Variants in UCHL5 observed in about 807,000 individuals in gnomAD.
UCHL5 encodes the protein ubiquitin carboxyl-terminal hydrolase isozyme L5.
Under a neutral mutation model 53.8 loss-of-function variants are expected in UCHL5, and 34 were observed. The ratio of observed to expected loss-of-function variants is 0.63; its 90% CI spans 0.48 to 0.84. UCHL5 has a LOEUF of 0.84. Ranked by LOEUF, UCHL5 falls within the 40% of genes least tolerant of loss-of-function variation. The pLI is 0.00. For missense variants in UCHL5, 290 were observed against 385.6 expected (o/e 0.75, Z 2.08); for synonymous variants, 111 against 126.3 (o/e 0.88, Z 0.81).
At chr1:193,028,188 A>G in intron 6 of UCHL5, 40 bp from the exon 7 acceptor site, 1 of 1,506,716 alleles carries the variant, frequency 6.6e-7, no homozygotes, top group Non-Finnish European at 8.9e-7. Flanking sequence ...AAATAAAAAT[A>G]AGAACAATCA....
chr1:193,014,442 C>CT lies in UCHL5; in HGVS notation c.*1908dup, dbSNP rs1654598440. 4.6e-5 allele frequency: 7 copies of CT among 152,092 alleles called. No homozygotes were observed. The South Asian group carries it at 1.4e-3, about 31-fold the overall frequency. The allele number at this position is 152,092 out of a possible 1,614,324, so 9.4% of individuals were successfully genotyped here. ...TCATTTGATATTACTTTTGTTAACA[C>CT]TTTCAATGACAATTCTGATGAGCTC... On this transcript the variant is annotated 3_prime_UTR_variant, in exon 11 of 11. Coordinates refer to ENST00000367454, the MANE Select transcript of UCHL5 (RefSeq NM_001199261.3).
chr1:193,059,293 T>C lies in UCHL5; in HGVS notation c.-33A>G, dbSNP rs571763646. 2.5e-5 allele frequency: 41 copies of C among 1,612,306 alleles called. No homozygotes were observed. In the Admixed American group the frequency reaches 6.7e-4, roughly 26 times the overall value. On this transcript the variant is annotated 5_prime_UTR_variant, in exon 1 of 11. Transcript: ENST00000367454. This position sits in a 1 kb window ranked among gnomAD's most constrained non-coding sequence, Gnocchi z 4.9. The stretch of plus-strand genomic sequence containing the variant: ...GCCACACACCGCCCCGATCCACCTC[T>C]CGCTCTCAGCTGCCCCCCGCACCAG...
At chr1:193,042,054 T>G (rs1466319470) in intron 3 of UCHL5, among the ~76,000 whole-genome samples, 6 of 151,582 alleles carry the variant, frequency 4.0e-5, no homozygotes, top group Non-Finnish European at 7.4e-5. Flanking sequence ...TACAATGAGC[T>G]GTGATCATGC....
At chr1:193,020,901 G>A (rs796752872) in intron 10 of UCHL5, among the ~76,000 whole-genome samples, 196 bp downstream of exon 10, 13 of 145,740 alleles carry the variant, frequency 8.9e-5, no homozygotes, top group African/African-American at 3.2e-4. Context: ...AAAGCAGTGG[G>A]GTAATTCTTT....
intron 3 of UCHL5, among the ~76,000 whole-genome samples, chr1:193,039,662 G>A (rs375581305): frequency 3.6e-4 from 54 of 152,098 alleles, no homozygotes; most frequent in African/African-American, 1.2e-3. Context: ...AAATTTATAC[G>A]GAACACAAAA....
chr1:193,059,089 A>G lies in UCHL5; in HGVS notation c.76+96T>C. On this transcript the variant is annotated intron_variant, in intron 1 of 10. Coordinates refer to ENST00000367454, the MANE Select transcript of UCHL5 (RefSeq NM_001199261.3). The surrounding 1 kb of genome is among the most constrained non-coding windows in gnomAD (Gnocchi z 4.9). The stretch of plus-strand genomic sequence containing the variant: ...TCCAGGTTCCTGAAGTCACCTCTCC[A>G]GACGCGGGGCGGCGGTGGCCGCAGG... The G allele has an allele frequency of 2.3e-6, 3 of 1,329,028 alleles. No homozygotes were observed. The highest frequency in any genetic ancestry group is 3.0e-6 in the Non-Finnish European group (3 of 991,554). The allele number at this position is 1,329,028 out of a possible 1,614,324, so 82.3% of individuals were successfully genotyped here.
chr1:193,024,678 TGA>T (rs1320009941), intron 7 of UCHL5, among the ~76,000 whole-genome samples: 1 of 151,220 alleles, frequency 6.6e-6, no homozygotes, highest in Non-Finnish European at 1.5e-5. Flanking sequence ...CTGATATCAA[TGA>T]AGCATCTCAT....
rs1654768941 is a variant in UCHL5 at position 193,015,552 on chromosome 1, A to T, written c.*799T>A. ...CATCACCACTACCATCTTTTTAAAA[A>T]AGCAGATAACATGAACTGTCAGACC... is the stretch of plus-strand genomic sequence containing the variant. On this transcript the variant is annotated 3_prime_UTR_variant, in exon 11 of 11. Coordinates refer to ENST00000367454, the MANE Select transcript of UCHL5 (RefSeq NM_001199261.3). 6.6e-6 allele frequency: 1 copy of T among 152,056 alleles called. No homozygotes were observed. Among genetic ancestry groups the T allele is most frequent in the Non-Finnish European group, 1.5e-5 (1 of 67,940 alleles). The allele number at this position is 152,056 out of a possible 1,614,324, so 9.4% of individuals were successfully genotyped here. A position where few individuals can be genotyped will look rare whatever the true frequency, so the allele number is the denominator to read the frequency against.
At chr1:193,023,165 G>A (rs1054717819) in intron 8 of UCHL5, 129 bp from the exon 9 acceptor site, 12 of 639,454 alleles carry the variant, frequency 1.9e-5, no homozygotes, top group Middle Eastern at 3.8e-4. Flanking sequence ...CAGCATGCCC[G>A]CCTAACAGCA....
intron 8 of UCHL5, 91 bp from the exon 9 acceptor site, chr1:193,023,127 T>C: frequency 2.0e-6 from 2 of 1,015,312 alleles, no homozygotes; most frequent in South Asian, 3.1e-5. Context: ...TATGATTATT[T>C]TCAAATTTTT....
chr1:193,029,358 C>T (rs1211271308), intron 5 of UCHL5, 30 bp downstream of exon 5: 2 of 1,613,192 alleles, frequency 1.2e-6, no homozygotes, highest in Non-Finnish European at 1.7e-6. Context: ...AAGAAAGAAA[C>T]AGTATTTATT....
intron 3 of UCHL5, among the ~76,000 whole-genome samples, chr1:193,035,151 CA>C (rs1662902984): frequency 6.6e-6 from 1 of 151,370 alleles, no homozygotes; most frequent in African/African-American, 2.4e-5. Context: ...GAAAAAAAAA[CA>C]AATTATTAGT....
intron 1 of UCHL5, among the ~76,000 whole-genome samples, chr1:193,054,576 G>A (rs1670053019): frequency 6.6e-6 from 1 of 152,040 alleles, no homozygotes; most frequent in African/African-American, 2.4e-5. Flanking sequence ...ACTAAAATGG[G>A]AGCCCTAAAT....
At position 193,022,915 on chromosome 1, in the gene UCHL5, TA is replaced by T; in HGVS notation, c.843+10del. 1 of 1,584,304 alleles carries T rather than the reference TA, an allele frequency of 6.3e-7. No individual in the cohort carries two copies. The highest frequency in any genetic ancestry group is 8.7e-7 in the Non-Finnish European group (1 of 1,154,530). On this transcript the variant is annotated intron_variant, in intron 9 of 10. Transcript: ENST00000367454. ...TTAAAACATTAAAGGAACACATTTT[TA>T]AAAACATACCTTGTATCTTTTTAAT...
At chr1:193,019,902 A>G (rs1447020455) in intron 10 of UCHL5, 2 of 968,732 alleles carry the variant, frequency 2.1e-6, no homozygotes, top group East Asian at 1.1e-4. Flanking sequence ...CTGATGTATC[A>G]CATATTTAGC....
intron 9 of UCHL5, among the ~76,000 whole-genome samples, chr1:193,022,592 G>A (rs963990740): frequency 1.3e-5 from 2 of 149,790 alleles, no homozygotes; most frequent in Non-Finnish European, 3.0e-5. Context: ...CTTGAACCTG[G>A]AAGGTGGAGG....
chr1:193,018,568 C>A, intron 10 of UCHL5: 9 of 1,194,206 alleles, frequency 7.5e-6, no homozygotes, highest in Non-Finnish European at 9.4e-6. Flanking sequence ...ATAACAAAAA[C>A]ATTTATAGGT....
chr1:193,022,950 T>C lies in UCHL5; in HGVS notation c.819A>G (p.Glu273=). The change falls in exon 9 of 11, where the codon GAA becomes GAG. Residue 273 remains glutamate (E), a synonymous_variant. Transcript: ENST00000367454. ...CCTTGTATCTTTTTAATTTCTGTAC[T>C]TCTTCTTCAATAAGCATCTGATTTT... is the stretch of plus-strand genomic sequence containing the variant. ...VAKNQMLIEE[E]VQKLKRYKIE... 6.2e-7 allele frequency: 1 copy of C among 1,611,986 alleles called. No individual in the cohort carries two copies. The highest frequency in any genetic ancestry group is 8.5e-7 in the Non-Finnish European group (1 of 1,178,564).
intron 2 of UCHL5, among the ~76,000 whole-genome samples, chr1:193,050,310 C>T (rs1668603206): frequency 6.6e-6 from 1 of 151,972 alleles, no homozygotes; most frequent in African/African-American, 2.4e-5. Flanking sequence ...TTGATGCTAC[C>T]ATCTCATACA....
Sources: allele counts gnomAD v4.1 joint callset (sites outside exome capture counted in the v4.1 genomes callset), GRCh38; gene constraint gnomAD v4.1.1; non-coding constraint Gnocchi (gnomAD v3.1); transcripts MANE v1.5; gene names NCBI Gene and HGNC (gene_info 2026-07-23, HGNC 2026-07-21).